The following HEXIM2 variants were observed in gnomAD, a reference collection of about 807,000 sequenced individuals.
HEXIM2 encodes the protein HEXIM P-TEFb complex subunit 2, also known as protein HEXIM2.
For synonymous variants in HEXIM2, 159 were observed against 162.7 expected (o/e 0.98, Z 0.17); for missense variants, 413 against 390.8 (o/e 1.06, Z -0.48).
chr17:45,168,252 C>A (rs934987975), intron 3 of HEXIM2, among the ~76,000 whole-genome samples: 3 of 148,316 alleles, frequency 2.0e-5, no homozygotes, highest in African/African-American at 7.4e-5. Context: ...GAGGCCGAGG[C>A]GGGTGGATCA....
At position 45,169,784 on chromosome 17, in the gene HEXIM2, G is replaced by C; in HGVS notation, c.836G>C (p.Arg279Pro). 6.9e-7 allele frequency: 1 copy of C among 1,448,468 alleles called. No individual in the cohort carries two copies. The highest frequency in any genetic ancestry group is 9.1e-7 in the Non-Finnish European group (1 of 1,101,998). 89.7% of individuals were successfully genotyped at this position (1,448,468 alleles called of 1,614,324 possible). Reference protein sequence around the residue: ...ENQMWNREGCRCDEEPGT With the variant: ...ENQMWNREGCPCDEEPGT Reference sequence around the variant, plus strand: ...CAGATGTGGAACCGAGAGGGCTGCCGCTGTGATGAGGAGCCGGGTACCTAG... The same window carrying C: ...CAGATGTGGAACCGAGAGGGCTGCCCCTGTGATGAGGAGCCGGGTACCTAG... Residue 279 changes from arginine (R) to proline (P), a missense_variant, in exon 4 of 4, where the codon CGC becomes CCC. By Grantham distance (103) the Arg-to-Pro change is moderately radical. Transcript: ENST00000589230.
rs146054495 is a variant in HEXIM2, at chr17:45,169,440, C to A, written c.492C>A (p.Ile164=). ...EEPNLDVPHG[I]SHPGSSGESE... is the part of the protein sequence containing the mutation. The stretch of plus-strand genomic sequence containing the variant: ...CCAACTTGGATGTGCCCCATGGGAT[C>A]TCCCACCCAGGTTCCAGTGGGGAGA... Residue 164 remains isoleucine, a synonymous_variant, in exon 4 of 4, where the codon ATC becomes ATA. Coordinates refer to ENST00000589230, the MANE Select transcript of HEXIM2 (RefSeq NM_001303441.2). 2 of 1,613,828 alleles carry A rather than the reference C, an allele frequency of 1.2e-6. No homozygotes were observed. The highest frequency in any genetic ancestry group is 1.7e-6 in the Non-Finnish European group (2 of 1,180,012).
At chr17:45,167,447 C>T (rs935772019) in intron 3 of HEXIM2, among the ~76,000 whole-genome samples, 1 of 152,198 alleles carries the variant, frequency 6.6e-6, no homozygotes, top group Non-Finnish European at 1.5e-5. Context: ...AAGTTAAAGA[C>T]AGTGGCCAGG....
At position 45,169,826 on chromosome 17, in the gene HEXIM2, G is replaced by T. The variant is rs1053133148; in HGVS notation, c.*17G>T. On this transcript the variant is annotated 3_prime_UTR_variant, in exon 4 of 4. Transcript: ENST00000589230. ...GGTACCTAGGGGTGCCTCCCAGCCT[G>T]GTGGACCCAAGGAGAAGGTCCCATT... is the stretch of plus-strand genomic sequence containing the variant. The T allele has an allele frequency of 7.0e-7, 1 of 1,427,434 alleles. No homozygotes were observed. Among genetic ancestry groups the T allele is most frequent in the South Asian group, 1.5e-5 (1 of 66,154 alleles). The allele number at this position is 1,427,434 out of a possible 1,614,324, so 88.4% of individuals were successfully genotyped here.
intron 3 of HEXIM2, among the ~76,000 whole-genome samples, chr17:45,167,934 C>G (rs2042906210): frequency 6.6e-6 from 1 of 151,134 alleles, no homozygotes; most frequent in Non-Finnish European, 1.5e-5. Flanking sequence ...GCTCTGTCAC[C>G]CAGGCTGGAG....
At chr17:45,168,692 TTTC>T (rs1176671190) in intron 3 of HEXIM2, 2 of 225,972 alleles carry the variant, frequency 8.9e-6, no homozygotes, top group Admixed American at 5.1e-5. Flanking sequence ...CTATCCCAGT[TTTC>T]TTCTTCTCCT....
chr17:45,164,074 G>C (rs1436286024), intron 3 of HEXIM2, among the ~76,000 whole-genome samples: 1 of 151,948 alleles, frequency 6.6e-6, no homozygotes, highest in Non-Finnish European at 1.5e-5. Context: ...AGAATCACTT[G>C]AACCCATGAG....
Position 45,162,593 on chromosome 17 carries a change from C to T in HEXIM2, c.-87C>T, listed in dbSNP as rs1337188491. On this transcript the variant is annotated 5_prime_UTR_variant, in exon 2 of 4. Coordinates refer to ENST00000589230, the MANE Select transcript of HEXIM2 (RefSeq NM_001303441.2). The stretch of plus-strand genomic sequence containing the variant: ...CCTTGCTGGCTGGAGGTGTGAAAAC[C>T]AGCGGTGGAGGCAGCCTTCGGGGCC... 2 of 1,412,814 alleles carry T rather than the reference C, an allele frequency of 1.4e-6. No homozygotes were observed. Among genetic ancestry groups the T allele is most frequent in the Non-Finnish European group, 1.8e-6 (2 of 1,084,388 alleles). The allele number at this position is 1,412,814 out of a possible 1,614,324, so 87.5% of individuals were successfully genotyped here. A position where few individuals can be genotyped will look rare whatever the true frequency, so the allele number is the denominator to read the frequency against.
chr17:45,164,494 C>T (rs377479656), intron 3 of HEXIM2, among the ~76,000 whole-genome samples: 11 of 150,636 alleles, frequency 7.3e-5, no homozygotes, highest in South Asian at 2.1e-4. Flanking sequence ...GAAATTAGCC[C>T]GGCGTGGTGG....
chr17:45,160,891 G>T (rs1184078309), upstream of HEXIM2: 1 of 1,289,524 alleles, frequency 7.8e-7, no homozygotes, highest in Admixed American at 2.3e-5. Context: ...AGTTTAAGAG[G>T]GTCGTGGTTT....
In HEXIM2 at chr17:45,161,881, T is replaced by TCC; in HGVS notation, c.-337_-336dup. On this transcript the variant is annotated 5_prime_UTR_variant, in exon 1 of 4. Transcript: ENST00000589230. ...GGCACCGCGCGTCCAGGCTCTCTCT[T>TCC]CCCCCCCATCTTAGTGGCCTGAGCG... The TCC allele has an allele frequency of 1.0e-6, 1 of 984,884 alleles. No homozygotes were observed. The highest frequency in any genetic ancestry group is 1.2e-6 in the Non-Finnish European group (1 of 829,984). The allele number at this position is 984,884 out of a possible 1,614,324, so 61.0% of individuals were successfully genotyped here.
At chr17:45,164,231 G>A (rs1222841694) in intron 3 of HEXIM2, among the ~76,000 whole-genome samples, 2 of 151,804 alleles carry the variant, frequency 1.3e-5, no homozygotes, top group African/African-American at 2.4e-5. Flanking sequence ...CGAGGTGGGC[G>A]GATCACCTGA....
intron 3 of HEXIM2, 102 bp from the exon 4 acceptor site, chr17:45,168,913 C>A: frequency 8.9e-7 from 1 of 1,120,240 alleles, no homozygotes; most frequent in Non-Finnish European, 1.3e-6. Flanking sequence ...ACCAAGTTAG[C>A]TGAGTGTAGG....
At chr17:45,165,205 A>C (rs1180601168) in intron 3 of HEXIM2, among the ~76,000 whole-genome samples, 1 of 152,182 alleles carries the variant, frequency 6.6e-6, no homozygotes, top group Admixed American at 6.5e-5. Context: ...GGTGGAGACA[A>C]GGGCTATTGC....
At chr17:45,161,072 C>T, upstream of HEXIM2, 1 of 679,058 alleles carries the variant, frequency 1.5e-6, no homozygotes, top group Non-Finnish European at 2.3e-6. Context: ...TCGCCCCCAC[C>T]TCTCCAGTCG....
At chr17:45,167,817 C>G (rs1056022669) in intron 3 of HEXIM2, among the ~76,000 whole-genome samples, 1 of 152,118 alleles carries the variant, frequency 6.6e-6, no homozygotes, top group East Asian at 1.9e-4. Flanking sequence ...AGGATAGTCT[C>G]GATCTCCTGA....
intron 3 of HEXIM2, among the ~76,000 whole-genome samples, chr17:45,166,314 A>G (rs896419339): frequency 6.6e-6 from 1 of 151,526 alleles, no homozygotes; most frequent in Non-Finnish European, 1.5e-5. Flanking sequence ...TTTGGTAGAG[A>G]TGGGGTTTCG....
At chr17:45,167,586 T>TA (rs1378406957) in intron 3 of HEXIM2, among the ~76,000 whole-genome samples, 1 of 152,032 alleles carries the variant, frequency 6.6e-6, no homozygotes, top group Non-Finnish European at 1.5e-5. Flanking sequence ...GGCAACAGAG[T>TA]AAGACCCTGT....
upstream of HEXIM2, chr17:45,161,735 G>A (rs1161775902): frequency 3.1e-6 from 2 of 654,758 alleles, no homozygotes; most frequent in Non-Finnish European, 3.8e-6. Flanking sequence ...AAAGAAGGCA[G>A]TGATGCGCGC....
Sources: gnomAD v4.1 joint callset for allele counts (sites outside exome capture counted in the v4.1 genomes callset) on GRCh38, gnomAD v4.1.1 for gene constraint, MANE v1.5 for transcripts, NCBI Gene and HGNC (gene_info 2026-07-23, HGNC 2026-07-21) for gene names.